VPS13D: variants seen among roughly 807,000 people sequenced by gnomAD.
The protein encoded by VPS13D is vacuolar protein sorting 13 homolog D.
A neutral mutation model predicts 461.9 loss-of-function variants in VPS13D; 187 were observed. The ratio of observed to expected loss-of-function variants is 0.40; its 90% CI spans 0.36 to 0.46. The LOEUF (loss-of-function observed/expected upper bound fraction) is 0.46. Among genes scored for constraint, VPS13D ranks in the 20% least tolerant of loss-of-function variants. The pLI, the probability that VPS13D is intolerant of heterozygous loss-of-function variation, is 0.60. For missense variants in VPS13D, 4,711 were observed against 5,364.9 expected (o/e 0.88, Z 3.81); for synonymous variants, 1,951 against 1,986.3 (o/e 0.98, Z 0.47).
Position 12,283,465 on chromosome 1 carries a change from A to G in VPS13D, c.5363A>G (p.Asn1788Ser). ...TTTGATGATTCCTTAGTCCACATCA[A>G]CATATTCTTGGTAGATAAGAAACAT... ...SKFDDSLVHI[N>S]IFLVDKKHPE... Residue 1788 changes from asparagine (N) to serine (S), a missense_variant, in exon 21 of 70, where the codon AAC (asparagine) becomes AGC (serine). Transcript: ENST00000620676. 6.2e-7 allele frequency: 1 copy of G among 1,614,244 alleles called. No homozygotes were observed. The highest frequency in any genetic ancestry group is 8.5e-7 in the Non-Finnish European group (1 of 1,180,036).
chr1:12,450,029 A>G (rs1194147968), intron 65 of VPS13D, among the ~76,000 whole-genome samples: 1 of 152,130 alleles, frequency 6.6e-6, no homozygotes, highest in Non-Finnish European at 1.5e-5. Context: ...AGGCTGAGGC[A>G]TGAGAACCGC....
At chr1:12,368,662 C>T in intron 53 of VPS13D, 71 bp downstream of exon 53, 2 of 1,509,384 alleles carry the variant, frequency 1.3e-6, no homozygotes, top group Non-Finnish European at 1.8e-6. Context: ...CTGCCCTTGA[C>T]ACAATGGTAC....
intron 60 of VPS13D, among the ~76,000 whole-genome samples, chr1:12,397,488 G>A (rs1570091574): frequency 6.6e-6 from 1 of 152,146 alleles, no homozygotes; most frequent in Admixed American, 6.5e-5. Flanking sequence ...CAATATGGTC[G>A]AGCCCTTTAT....
At chr1:12,412,687 CAATA>C (rs1227292356) in intron 63 of VPS13D, among the ~76,000 whole-genome samples, 1 of 152,114 alleles carries the variant, frequency 6.6e-6, no homozygotes, top group East Asian at 1.9e-4. Flanking sequence ...AAGAGTAAAA[CAATA>C]AAACTTGTAT....
intron 1 of VPS13D, among the ~76,000 whole-genome samples, chr1:12,233,331 T>A (rs1219359885): frequency 3.3e-5 from 5 of 152,112 alleles, no homozygotes; most frequent in African/African-American, 4.8e-5. Context: ...ATTCAGACAA[T>A]CTCTTACGGC....
In VPS13D at chr1:12,237,362, G is replaced by A. The variant is rs181833022; in HGVS notation, c.97+2999G>A. ...AAAAAAATTAGCTGGGTATGGTGGC[G>A]CATGCCTGTGGTCCCAGCTACTTGG... On this transcript the variant is annotated intron_variant, in intron 2 of 69. Coordinates refer to ENST00000620676, the MANE Select transcript of VPS13D (RefSeq NM_015378.4). Among the ~76,000 whole-genome samples the A allele has an allele frequency of 6.2e-3, 906 of 147,218 alleles. 6 individuals carry two copies. Among genetic ancestry groups the A allele is most frequent in the Non-Finnish European group, 8.2e-3 (554 of 67,338 alleles).
At chr1:12,381,861 C>T (rs1644275967) in intron 57 of VPS13D, among the ~76,000 whole-genome samples, 1 of 152,076 alleles carries the variant, frequency 6.6e-6, no homozygotes, top group Non-Finnish European at 1.5e-5. Flanking sequence ...CAATTAAACC[C>T]CTTTAAATTT....
At chr1:12,347,333 G>A (rs1557723867) in intron 44 of VPS13D, among the ~76,000 whole-genome samples, 1 of 152,084 alleles carries the variant, frequency 6.6e-6, no homozygotes, top group Non-Finnish European at 1.5e-5. Context: ...ACCACCCCCG[G>A]CTAATTTGTT....
rs547130012 is a variant in VPS13D at position 12,304,644 on chromosome 1, A to G, written c.6355A>G (p.Lys2119Glu). Reference sequence around the variant, plus strand: ...TGCTGGAATGAGCCTAGGAAGCCTGAAGAGTGAGTTTGTGCCCAGTACCTC... The same window carrying G: ...TGCTGGAATGAGCCTAGGAAGCCTGGAGAGTGAGTTTGTGCCCAGTACCTC... The part of the protein sequence containing the change: ...PLAGMSLGSL[K>E]SEFVPSTSTK... The change falls in exon 26 of 70, where the codon AAG becomes GAG. Residue 2119 changes from lysine (K) to glutamate (E), a missense_variant. By Grantham distance (56) the Lys-to-Glu change is moderately conservative (BLOSUM62 1). Transcript: ENST00000620676. 62 of 1,614,144 alleles carry G rather than the reference A, an allele frequency of 3.8e-5. No individual in the cohort carries two copies. In the South Asian group the frequency reaches 6.6e-4, roughly 17 times the overall value.
intron 63 of VPS13D, among the ~76,000 whole-genome samples, chr1:12,411,656 GT>G: frequency 6.6e-6 from 1 of 152,340 alleles, no homozygotes; most frequent in South Asian, 2.1e-4. Flanking sequence ...CATCTTATTT[GT>G]TTACAATTCT....
rs1644302540 is a variant in VPS13D at position 12,382,983 on chromosome 1, G to C, written c.11198G>C (p.Gly3733Ala). 1.2e-6 allele frequency: 2 copies of C among 1,613,268 alleles called. No homozygotes were observed. The highest frequency in any genetic ancestry group is 2.7e-5 in the African/African-American group (2 of 74,854). Reference protein sequence around the residue: ...GLHGLVVQAKGGLSGLFDGAE... With the variant: ...GLHGLVVQAKAGLSGLFDGAE... ...TACTCCAATGTCTTTTAGGCCAAAG[G>C]AGGACTTTCTGGTTTGTTTGATGGA... The change falls in exon 58 of 70, where the codon GGA (glycine) becomes GCA (alanine). Residue 3733 changes from glycine (G) to alanine (A), a missense_variant. Gly to Ala is a moderately conservative substitution (Grantham distance 60). This residue lies in a region of VPS13D where 4,411 missense variants were observed against 4,937.8 expected (regional missense o/e 0.89). Transcript: ENST00000620676.
At chr1:12,247,942 C>T (rs1303794390) in intron 5 of VPS13D, among the ~76,000 whole-genome samples, 1 of 145,766 alleles carries the variant, frequency 6.9e-6, no homozygotes, top group Non-Finnish European at 1.5e-5. Context: ...GAGTGCAGTG[C>T]AGTGGCGTGA....
intron 67 of VPS13D, among the ~76,000 whole-genome samples, chr1:12,482,089 A>G (rs1221406959): frequency 6.6e-6 from 1 of 152,182 alleles, no homozygotes; most frequent in Non-Finnish European, 1.5e-5. Flanking sequence ...ACCGTGCTGG[A>G]GAAGTAAGTC....
chr1:12,499,889 C>T (rs920962213), intron 68 of VPS13D: 20 of 985,238 alleles, frequency 2.0e-5, no homozygotes, highest in South Asian at 1.4e-4. Context: ...AGCCCACGAG[C>T]GCCAAATTAT....
intron 50 of VPS13D, among the ~76,000 whole-genome samples, chr1:12,361,657 AGT>A (rs1251120605): frequency 6.6e-6 from 1 of 151,658 alleles, no homozygotes; most frequent in East Asian, 1.9e-4. Flanking sequence ...GGCCTCCCAA[AGT>A]GCTGGGATTA....
rs1641715579 is a variant in VPS13D at position 12,279,528 on chromosome 1, C to G, written c.4480C>G (p.Gln1494Glu). 1 of 1,606,088 alleles carries G rather than the reference C, an allele frequency of 6.2e-7. No individual in the cohort carries two copies. Among genetic ancestry groups the G allele is most frequent in the Admixed American group, 1.7e-5 (1 of 59,852 alleles). Residue 1494 changes from glutamine (Q) to glutamate (E), a missense_variant, in exon 20 of 70, where the codon CAG becomes GAG. Coordinates refer to ENST00000620676, the MANE Select transcript of VPS13D (RefSeq NM_015378.4). This position sits in a 1 kb window ranked among gnomAD's most constrained non-coding sequence, Gnocchi z 4.3. ...AFHILNNTTI[Q>E]FKLEKIPIER... Reference sequence around the variant, plus strand: ...TCACATCCTGAACAACACCACCATTCAGTTTAAACTGGAGAAGATCCCTAT... The same window carrying G: ...TCACATCCTGAACAACACCACCATTGAGTTTAAACTGGAGAAGATCCCTAT...
In VPS13D at chr1:12,277,921, G is replaced by A. The variant is rs745980449; in HGVS notation, c.4333G>A (p.Val1445Ile). ...CACCCAGTTGGCAGGTAGAGAAGCT[G>A]TTGGGTCTGAAGGAAGCCGGATGTT... Reference protein sequence around the residue: ...NCTQLAGREAVGSEGSRMFCP... With the variant: ...NCTQLAGREAIGSEGSRMFCP... The change falls in exon 19 of 70, where the codon GTT becomes ATT. Residue 1445 changes from valine (V) to isoleucine (I), a missense_variant. Transcript: ENST00000620676. The A allele has an allele frequency of 4.2e-5, 68 of 1,614,178 alleles. 3 individuals carry two copies. The South Asian group carries it at 6.5e-4, about 15-fold the overall frequency.
At chr1:12,386,635 G>A (rs906005772) in intron 60 of VPS13D, among the ~76,000 whole-genome samples, 1 of 152,156 alleles carries the variant, frequency 6.6e-6, no homozygotes, top group African/African-American at 2.4e-5. Context: ...ATCATTCGGA[G>A]GGATTGAGGT....
At chr1:12,297,542 T>C (rs1163063566) in intron 24 of VPS13D, among the ~76,000 whole-genome samples, 1 of 152,220 alleles carries the variant, frequency 6.6e-6, no homozygotes, top group Non-Finnish European at 1.5e-5. Flanking sequence ...ATTCTTCCCT[T>C]GACTCAGTTA....
Sources: gnomAD v4.1 joint callset for allele counts (sites outside exome capture counted in the v4.1 genomes callset) on GRCh38, gnomAD v4.1.1 for gene constraint, gnomAD v4.1.1 regional missense constraint, Gnocchi (gnomAD v3.1) non-coding constraint, MANE v1.5 for transcripts, NCBI Gene and HGNC (gene_info 2026-07-23, HGNC 2026-07-21) for gene names.